The following STK32A variants were observed in gnomAD, a reference collection of about 807,000 sequenced individuals.
The protein encoded by STK32A is serine/threonine kinase 32A, also known as serine/threonine-protein kinase 32A.
Under a neutral mutation model 53.2 loss-of-function variants are expected in STK32A, and 41 were observed. The observed-to-expected ratio is 0.77, with a 90% CI of 0.60 to 1.00. STK32A has a LOEUF of 1.00. Ranked by LOEUF, STK32A falls within the 50% of genes least tolerant of loss-of-function variation. STK32A has a pLI of 0.00. For synonymous variants in STK32A, 166 were observed against 162.8 expected, an observed-to-expected ratio of 1.02 and a Z score of -0.15; for missense variants, 458 against 485.8, an observed-to-expected ratio of 0.94 and a Z score of 0.54.
At chr5:147,290,511 A>T (rs1167631110) in intron 4 of STK32A, among the ~76,000 whole-genome samples, 2 of 152,198 alleles carry the variant, frequency 1.3e-5, no homozygotes, top group Non-Finnish European at 2.9e-5. Context: ...AATAGGCCCC[A>T]GTCTTTCCCA....
intron 1 of STK32A, among the ~76,000 whole-genome samples, chr5:147,238,717 ATGTG>A (rs1246003872): frequency 6.6e-6 from 1 of 152,100 alleles, no homozygotes; most frequent in Non-Finnish European, 1.5e-5. Flanking sequence ...AGTTATATAT[ATGTG>A]TATTATTTAA....
the STK32A span, chr5:147,399,321 CAGAG>C: frequency 2.0e-6 from 3 of 1,491,828 alleles, no homozygotes; most frequent in Non-Finnish European, 2.7e-6. Context: ...CTTCTGAACT[CAGAG>C]AAAGACAACC....
intron 2 of STK32A, among the ~76,000 whole-genome samples, chr5:147,251,383 T>C (rs539620792): frequency 1.3e-5 from 2 of 152,190 alleles, no homozygotes; most frequent in Admixed American, 6.5e-5. Flanking sequence ...TTGGCAGAGA[T>C]TGTCGAACAA....
rs764179493 is a variant in STK32A, at chr5:147,278,200, T to C, written c.108+21T>C. The C allele has an allele frequency of 3.8e-6, 6 of 1,582,122 alleles. No homozygotes were observed. The Admixed American group carries it at 9.0e-5, about 24-fold the overall frequency. On this transcript the variant is annotated intron_variant, in intron 3 of 12. Transcript: ENST00000397936. The stretch of plus-strand genomic sequence containing the variant: ...GGAAGGTGAGAACAAATTGAAATGA[T>C]TAACCACCAGCAGGGTTATGTAGCC...
chr5:147,328,280 A>G (rs1338359547), intron 5 of STK32A, among the ~76,000 whole-genome samples: 1 of 152,162 alleles, frequency 6.6e-6, no homozygotes, highest in Non-Finnish European at 1.5e-5. Flanking sequence ...TCTGCCAGAA[A>G]TGTCTAGTGT....
intron 7 of STK32A, among the ~76,000 whole-genome samples, chr5:147,356,184 T>C (rs1005793471): frequency 2.6e-5 from 4 of 152,150 alleles, no homozygotes; most frequent in African/African-American, 9.6e-5. Flanking sequence ...AGCATGAAAT[T>C]AAACCCAAGT....
chr5:147,316,649 A>G (rs1754001191), intron 4 of STK32A, among the ~76,000 whole-genome samples: 1 of 152,254 alleles, frequency 6.6e-6, no homozygotes, highest in African/African-American at 2.4e-5. Context: ...GAAAGACTTC[A>G]GTTCAAGACC....
chr5:147,304,158 A>G (rs1159668283), intron 4 of STK32A, among the ~76,000 whole-genome samples: 1 of 152,236 alleles, frequency 6.6e-6, no homozygotes, highest in Non-Finnish European at 1.5e-5. Flanking sequence ...CTGGGCGGAC[A>G]TGAGTCAGCT....
intron 11 of STK32A, among the ~76,000 whole-genome samples, chr5:147,376,345 GTCTTC>G (rs1287680927): frequency 6.6e-6 from 1 of 152,022 alleles, no homozygotes; most frequent in Non-Finnish European, 1.5e-5. Flanking sequence ...TCTCTGAACT[GTCTTC>G]TTCCCAATGG....
At chr5:147,353,148 TC>T (rs34091701) in intron 7 of STK32A, among the ~76,000 whole-genome samples, 33,817 of 152,122 alleles carry the variant, frequency 0.22, 4,447 homozygotes, top group Admixed American at 0.33. Context: ...CGACTACCCT[TC>T]TTTCATGTCC....
intron 4 of STK32A, among the ~76,000 whole-genome samples, chr5:147,315,759 T>C (rs746429605): frequency 3.7e-4 from 57 of 152,136 alleles, no homozygotes; most frequent in Non-Finnish European, 6.8e-4. Context: ...TAGAAAAAAA[T>C]ACAAGAAGTT....
At chr5:147,369,449 ATACTAT>A (rs1490063054) in intron 8 of STK32A, among the ~76,000 whole-genome samples, 1 of 152,130 alleles carries the variant, frequency 6.6e-6, no homozygotes, top group Non-Finnish European at 1.5e-5. Flanking sequence ...ATTGTGTCTA[ATACTAT>A]TAGCCACTCA....
chr5:147,340,591 C>G (rs1051031091), intron 5 of STK32A, among the ~76,000 whole-genome samples: 2 of 152,150 alleles, frequency 1.3e-5, no homozygotes, highest in Non-Finnish European at 2.9e-5. Flanking sequence ...ACCTTCCATA[C>G]TGCAATTTAC....
At chr5:147,343,171 T>A (rs1755522520) in intron 6 of STK32A, 128 bp downstream of exon 6, 1 of 991,374 alleles carries the variant, frequency 1.0e-6, no homozygotes, top group African/African-American at 1.6e-5. Flanking sequence ...ACTTACAAAC[T>A]CCTCATAGAC....
At chr5:147,337,343 ACTT>A (rs1020265868) in intron 5 of STK32A, among the ~76,000 whole-genome samples, 1 of 152,056 alleles carries the variant, frequency 6.6e-6, no homozygotes, top group Non-Finnish European at 1.5e-5. Flanking sequence ...GGCATAAATC[ACTT>A]CTTATTTATT....
At chr5:147,272,148 T>C (rs1755066421) in intron 2 of STK32A, among the ~76,000 whole-genome samples, 1 of 152,158 alleles carries the variant, frequency 6.6e-6, no homozygotes. Context: ...AGAACCTACG[T>C]GACTATCAGG....
At chr5:147,251,161 G>C (rs4705030) in intron 2 of STK32A, among the ~76,000 whole-genome samples, 119,194 of 152,026 alleles carry the variant, frequency 0.78, 47,142 homozygotes, top group African/African-American at 0.87. Context: ...TCAGCATGGA[G>C]CAGGCTAGAC....
intron 4 of STK32A, among the ~76,000 whole-genome samples, chr5:147,284,356 G>A (rs1752215748): frequency 6.6e-6 from 1 of 152,016 alleles, no homozygotes; most frequent in East Asian, 1.9e-4. Context: ...AATGAGACAA[G>A]TATGCCCACT....
At chr5:147,362,684 T>A (rs1756562851) in intron 8 of STK32A, among the ~76,000 whole-genome samples, 1 of 152,184 alleles carries the variant, frequency 6.6e-6, no homozygotes, top group Non-Finnish European at 1.5e-5. Flanking sequence ...AACTCTAAAG[T>A]CTGAAGTCCA....
Sources: allele counts gnomAD v4.1 joint callset (sites outside exome capture counted in the v4.1 genomes callset), GRCh38; gene constraint gnomAD v4.1.1; transcripts MANE v1.5; gene names NCBI Gene and HGNC (gene_info 2026-07-23, HGNC 2026-07-21).